NCSTN: variants seen among roughly 807,000 people sequenced by gnomAD.
NCSTN encodes the protein nicastrin, also known as anterior pharynx-defective 2.
A neutral mutation model predicts 87.0 loss-of-function variants in NCSTN; 22 were observed. That is an observed-to-expected ratio of 0.25 (90% CI 0.18 to 0.36). NCSTN has a LOEUF of 0.36. Ranked by LOEUF, NCSTN falls within the 10% of genes least tolerant of loss-of-function variation. The pLI is 1.00. For missense variants in NCSTN, 693 were observed against 883.3 expected (o/e 0.78, Z 2.73); for synonymous variants, 306 against 327.1 (o/e 0.94, Z 0.69).
At chr1:160,353,617 A>C in intron 10 of NCSTN, 1 of 1,186,224 alleles carries the variant, frequency 8.4e-7, no homozygotes, top group Non-Finnish European at 1.1e-6. Context: ...CACTTTCCTC[A>C]TTGCTTGTTC....
At position 160,356,725 on chromosome 1, in the gene NCSTN, C is replaced by T. The variant is rs1243160112; in HGVS notation, c.1765C>T (p.Pro589Ser). The T allele has an allele frequency of 1.2e-6, 2 of 1,614,084 alleles. No homozygotes were observed. Among genetic ancestry groups the T allele is most frequent in the African/African-American group, 2.7e-5 (2 of 74,930 alleles). Residue 589 changes from proline (P) to serine (S), a missense_variant, in exon 15 of 17, where the codon CCA becomes TCA. This residue lies in a region of NCSTN where 216 missense variants were observed against 311.7 expected (regional missense o/e 0.69). Transcript: ENST00000294785. The part of the protein sequence containing the change: ...VNLTREQCQD[P>S]SKVPSENKDL... Reference sequence around the variant, plus strand: ...CCTCACCCGAGAGCAGTGCCAGGATCCAAGTAAAGTCCCAAGTGAAAACAA... The same window carrying T: ...CCTCACCCGAGAGCAGTGCCAGGATTCAAGTAAAGTCCCAAGTGAAAACAA...
intron 11 of NCSTN, among the ~76,000 whole-genome samples, chr1:160,355,383 G>A (rs1649075288): frequency 6.6e-6 from 1 of 152,170 alleles, no homozygotes; most frequent in African/African-American, 2.4e-5. Context: ...AAATGATGTA[G>A]AAGAGTCTCT....
At chr1:160,346,251 T>A (rs890622164) in intron 2 of NCSTN, among the ~76,000 whole-genome samples, 5 of 152,226 alleles carry the variant, frequency 3.3e-5, no homozygotes, top group African/African-American at 1.2e-4. Context: ...TACTGGCTTC[T>A]TCATCATCAA....
At position 160,357,155 on chromosome 1, in the gene NCSTN, C is replaced by T; in HGVS notation, c.1909C>T (p.Leu637=). Residue 637 remains leucine (L), a synonymous_variant, in exon 16 of 17, where the codon CTG becomes TTG. Coordinates refer to ENST00000294785, the MANE Select transcript of NCSTN (RefSeq NM_015331.3). ...CAGGGCCTTGTCTCCTGCCTTTGAA[C>T]TGAGTCAGTGGAGCTCTACTGAATA... ...LARALSPAFE[L]SQWSSTEYST... 6.2e-7 allele frequency: 1 copy of T among 1,614,162 alleles called. No homozygotes were observed. The highest frequency in any genetic ancestry group is 1.7e-4 in the Middle Eastern group (1 of 6,060).
At chr1:160,348,916 G>T (rs1356507069) in intron 2 of NCSTN, 83 bp from the exon 3 acceptor site, 3 of 1,579,114 alleles carry the variant, frequency 1.9e-6, no homozygotes, top group Admixed American at 1.7e-5. Context: ...ATCTTTAGGG[G>T]ATAAAAGATA....
At chr1:160,343,764 C>T (rs773684044) in intron 1 of NCSTN, 1 of 665,678 alleles carries the variant, frequency 1.5e-6, no homozygotes, top group Admixed American at 2.1e-5. Flanking sequence ...TCGTTTTTCC[C>T]ACAACCCCAG....
chr1:160,344,446 T>C, intron 1 of NCSTN: 2 of 1,483,450 alleles, frequency 1.3e-6, no homozygotes, highest in Non-Finnish European at 1.8e-6. Flanking sequence ...GTCAAACACC[T>C]TTCCTTTGAC....
At chr1:160,356,013 T>A in intron 13 of NCSTN, 55 bp downstream of exon 13, 1 of 1,491,756 alleles carries the variant, frequency 6.7e-7, no homozygotes, top group Non-Finnish European at 9.3e-7. Flanking sequence ...GCTGTCCCTA[T>A]CCTCCCTTGC....
rs1373027391 is a variant in NCSTN at position 160,350,251 on chromosome 1, G to A, written c.582+1G>A. 6.2e-7 allele frequency: 1 copy of A among 1,613,828 alleles called. No individual in the cohort carries two copies. The highest frequency in any genetic ancestry group is 8.5e-7 in the Non-Finnish European group (1 of 1,179,872). On this transcript the variant is annotated splice_donor_variant, in intron 5 of 16. Coordinates refer to ENST00000294785, the MANE Select transcript of NCSTN (RefSeq NM_015331.3). LOFTEE classifies it high-confidence loss of function. ...AAATGAAACCAAAGTCATCAAGCAG[G>A]TAATGACACTGCCAGCTCCTAGCAA...
rs759139701 is a variant in NCSTN at position 160,356,329 on chromosome 1, G to A, written c.1621G>A (p.Asp541Asn). ...NSWFQSILRQDLRSYLGDGPL... is the reference protein window; with the variant it reads ...NSWFQSILRQNLRSYLGDGPL... ...ATGGTTCCAGTCTATCCTCAGGCAG[G>A]ACCTAAGGTCCTACTTGGGTAAGCA... is the stretch of plus-strand genomic sequence containing the variant. Residue 541 changes from aspartate to asparagine, a missense_variant, in exon 14 of 17, where the codon GAC becomes AAC. Asp to Asn is a conservative substitution (Grantham distance 23, BLOSUM62 1). Coordinates refer to ENST00000294785, the MANE Select transcript of NCSTN (RefSeq NM_015331.3). 5.0e-6 allele frequency: 8 copies of A among 1,612,532 alleles called. No homozygotes were observed. The highest frequency in any genetic ancestry group is 1.1e-5 in the South Asian group (1 of 91,046).
Position 160,350,241 on chromosome 1 carries a change from C to A in NCSTN, c.573C>A (p.Val191=). The change falls in exon 5 of 17, where the codon GTC becomes GTA. Residue 191 remains valine, a synonymous_variant. Transcript: ENST00000294785. The stretch of plus-strand genomic sequence containing the variant: ...TTGAAGATGAAAATGAAACCAAAGT[C>A]ATCAAGCAGGTAATGACACTGCCAG... ...FLLEDENETK[V]IKQCYQDHNL... 2 of 1,613,972 alleles carry A rather than the reference C, an allele frequency of 1.2e-6. No homozygotes were observed. The highest frequency in any genetic ancestry group is 2.2e-5 in the South Asian group (2 of 91,022).
intron 5 of NCSTN, among the ~76,000 whole-genome samples, 158 bp downstream of exon 5, chr1:160,350,408 C>T (rs1335959877): frequency 6.8e-6 from 1 of 146,476 alleles, no homozygotes; most frequent in African/African-American, 2.6e-5. Context: ...GCTGAGATGG[C>T]ACCATTGCAC....
intron 16 of NCSTN, 36 bp from the exon 17 acceptor site, chr1:160,358,113 T>C: frequency 6.2e-6 from 10 of 1,614,152 alleles, no homozygotes; most frequent in Non-Finnish European, 7.6e-6. Context: ...GTTCTGAGAA[T>C]GCCTTTGTCC....
At position 160,352,904 on chromosome 1, in the gene NCSTN, T is replaced by C; in HGVS notation, c.1014T>C (p.Ile338=). ...VFFQGETFDY[I]GSSRMVYDME... Reference sequence around the variant, plus strand: ...TCTCTCAGGAAACTTTTGACTACATTGGCAGCTCGAGGATGGTCTACGATA... The same window carrying C: ...TCTCTCAGGAAACTTTTGACTACATCGGCAGCTCGAGGATGGTCTACGATA... Residue 338 remains isoleucine (I), a synonymous_variant, in exon 9 of 17, where the codon ATT becomes ATC. Coordinates refer to ENST00000294785, the MANE Select transcript of NCSTN (RefSeq NM_015331.3). 6.2e-7 allele frequency: 1 copy of C among 1,614,046 alleles called. No individual in the cohort carries two copies. Among genetic ancestry groups the C allele is most frequent in the East Asian group, 2.2e-5 (1 of 44,900 alleles).
At chr1:160,356,949 A>T (rs1649161463) in intron 15 of NCSTN, 92 bp from the exon 16 acceptor site, 1 of 1,396,332 alleles carries the variant, frequency 7.2e-7, no homozygotes, top group Non-Finnish European at 1.0e-6. Flanking sequence ...CAGTTAGCTC[A>T]ATTGGTTAGA....
At chr1:160,353,906 T>G (rs1649000901) in intron 10 of NCSTN, among the ~76,000 whole-genome samples, 2 of 152,204 alleles carry the variant, frequency 1.3e-5, no homozygotes, top group African/African-American at 4.8e-5. Flanking sequence ...CTCTTCTTTA[T>G]GCCCCAATTT....
intron 11 of NCSTN, 79 bp from the exon 12 acceptor site, chr1:160,355,576 G>A: frequency 9.9e-7 from 1 of 1,008,344 alleles, no homozygotes; most frequent in Middle Eastern, 2.4e-4. Context: ...CTGAGTCCCT[G>A]CATAAGGAGC....
chr1:160,351,835 A>G (rs1245599328), intron 7 of NCSTN, 30 bp downstream of exon 7: 1 of 1,556,464 alleles, frequency 6.4e-7, no homozygotes, highest in South Asian at 1.1e-5. Context: ...CAGGATGGGC[A>G]GGGCTGGCAC....
intron 10 of NCSTN, chr1:160,353,630 A>C: frequency 8.5e-7 from 1 of 1,180,556 alleles, no homozygotes. Context: ...GCTTGTTCAA[A>C]ACCTTCCCTT....
Sources: allele counts gnomAD v4.1 joint callset (sites outside exome capture counted in the v4.1 genomes callset), GRCh38; gene constraint gnomAD v4.1.1; regional missense constraint gnomAD v4.1.1; transcripts MANE v1.5; gene names NCBI Gene and HGNC (gene_info 2026-07-23, HGNC 2026-07-21).